MIPOL1: variants seen among roughly 807,000 people sequenced by gnomAD.
MIPOL1 encodes the protein mirror-image polydactyly gene 1 protein.
MIPOL1 carries 57 observed loss-of-function variants against 60.9 expected under a neutral mutation model. The ratio of observed to expected loss-of-function variants is 0.94; its 90% confidence interval spans 0.76 to 1.17. The LOEUF (loss-of-function observed/expected upper bound fraction) is 1.17. Among genes scored for constraint, MIPOL1 ranks in the 50% most tolerant of loss-of-function variants. MIPOL1 has a pLI of 0.00. For missense variants in MIPOL1, 551 were observed against 511.6 expected (o/e 1.08, Z -0.74); for synonymous variants, 179 against 168.8 (o/e 1.06, Z -0.47).
intron 10 of MIPOL1, among the ~76,000 whole-genome samples, chr14:37,394,618 T>C (rs2093336368): frequency 6.6e-6 from 1 of 152,142 alleles, no homozygotes; most frequent in Non-Finnish European, 1.5e-5. Flanking sequence ...TTGTTTGTTT[T>C]TTTTCTTACT....
At chr14:37,412,367 A>G (rs1336437987) in intron 10 of MIPOL1, among the ~76,000 whole-genome samples, 1 of 152,110 alleles carries the variant, frequency 6.6e-6, no homozygotes, top group Non-Finnish European at 1.5e-5. Context: ...GATAGTTGTC[A>G]TAAAAAAAAG....
intron 12 of MIPOL1, among the ~76,000 whole-genome samples, chr14:37,515,031 G>A (rs924370395): frequency 1.3e-5 from 2 of 152,090 alleles, no homozygotes; most frequent in South Asian, 2.1e-4. Flanking sequence ...GGGATTTGCC[G>A]ATGTCCATAT....
intron 10 of MIPOL1, among the ~76,000 whole-genome samples, chr14:37,404,649 G>A (rs2093554438): frequency 6.6e-6 from 1 of 152,158 alleles, no homozygotes; most frequent in African/African-American, 2.4e-5. Flanking sequence ...TTTAATAAAT[G>A]CATTCTCTAT....
At chr14:37,301,124 T>TAC (rs1214240892) in intron 7 of MIPOL1, among the ~76,000 whole-genome samples, 1 of 15,010 alleles carries the variant, frequency 6.7e-5, no homozygotes, top group African/African-American at 8.4e-5. Context: ...TATATATATA[T>TAC]ACACACTAAC....
At chr14:37,286,294 C>G (rs933742075) in intron 7 of MIPOL1, among the ~76,000 whole-genome samples, 1 of 152,068 alleles carries the variant, frequency 6.6e-6, no homozygotes, top group Non-Finnish European at 1.5e-5. Flanking sequence ...GAAACAATGC[C>G]CTAGAAATAT....
intron 9 of MIPOL1, among the ~76,000 whole-genome samples, chr14:37,344,196 CTCTT>C (rs1319683292): frequency 6.6e-6 from 1 of 151,876 alleles, no homozygotes; most frequent in Admixed American, 6.6e-5. Context: ...ATAATTTCAC[CTCTT>C]TCTTTTGAAT....
chr14:37,199,079 C>G (rs1368717430), intron 1 of MIPOL1, among the ~76,000 whole-genome samples: 1 of 152,066 alleles, frequency 6.6e-6, no homozygotes, highest in South Asian at 2.1e-4. Flanking sequence ...TACAATTTTC[C>G]TTCAAAGGAG....
chr14:37,390,298 G>T (rs1346900612), intron 10 of MIPOL1, among the ~76,000 whole-genome samples: 1 of 151,908 alleles, frequency 6.6e-6, no homozygotes, highest in East Asian at 1.9e-4. Context: ...AAAATGATCA[G>T]CCCCACTTTA....
chr14:37,229,590 T>C (rs928289710), intron 1 of MIPOL1, among the ~76,000 whole-genome samples: 1 of 152,174 alleles, frequency 6.6e-6, no homozygotes, highest in Non-Finnish European at 1.5e-5. Context: ...CATGAAGAGA[T>C]ATATACTTAA....
At chr14:37,449,219 A>G (rs2094383124) in intron 11 of MIPOL1, among the ~76,000 whole-genome samples, 1 of 152,178 alleles carries the variant, frequency 6.6e-6, no homozygotes, top group Non-Finnish European at 1.5e-5. Flanking sequence ...CTTCCTGTTA[A>G]TAAGTTCTGC....
At chr14:37,200,848 C>CTGTG (rs1408015940) in intron 1 of MIPOL1, among the ~76,000 whole-genome samples, 12 of 94,856 alleles carry the variant, frequency 1.3e-4, no homozygotes, top group Non-Finnish European at 2.3e-4. Context: ...CTATATCTAT[C>CTGTG]TATGTGTGTG....
intron 12 of MIPOL1, among the ~76,000 whole-genome samples, chr14:37,540,306 C>A (rs2095524526): frequency 6.6e-6 from 1 of 152,162 alleles, no homozygotes; most frequent in South Asian, 2.1e-4. Flanking sequence ...GATACGAAGT[C>A]TTCTTACCTT....
chr14:37,226,818 A>T (rs114059384), intron 1 of MIPOL1, among the ~76,000 whole-genome samples: 6 of 152,118 alleles, frequency 3.9e-5, no homozygotes, highest in Non-Finnish European at 8.8e-5. Context: ...AAAAAGGGAA[A>T]GTGTTTTACC....
At chr14:37,488,455 A>G (rs912747808) in intron 11 of MIPOL1, among the ~76,000 whole-genome samples, 3 of 152,140 alleles carry the variant, frequency 2.0e-5, no homozygotes, top group African/African-American at 4.8e-5. Context: ...GTGGGAGTCT[A>G]AGTCTCTTTG....
chr14:37,267,688 A>C (rs1265881186), intron 4 of MIPOL1, among the ~76,000 whole-genome samples: 1 of 152,200 alleles, frequency 6.6e-6, no homozygotes, highest in Non-Finnish European at 1.5e-5. Context: ...CACAAAGTGC[A>C]TCTGAAGAAA....
At position 37,451,325 on chromosome 14, in the gene MIPOL1, C is replaced by G. The variant is rs181880374; in HGVS notation, c.1031+28376C>G. Among the ~76,000 whole-genome samples the G allele has an allele frequency of 1.6e-3, 246 of 152,244 alleles. 3 individuals carry two copies. Among genetic ancestry groups the G allele is most frequent in the South Asian group, 2.1e-3 (10 of 4,818 alleles). On this transcript the variant is annotated intron_variant, in intron 11 of 12. Transcript: ENST00000684589. ...CATTTGTGGAAGAGAATGAAGGCAGCTATTGAGATGGCCTTATTAATGTCA... is the reference window on the plus strand; with the variant it reads ...CATTTGTGGAAGAGAATGAAGGCAGGTATTGAGATGGCCTTATTAATGTCA...
At chr14:37,376,549 A>AT (rs2092782132) in intron 10 of MIPOL1, among the ~76,000 whole-genome samples, 1 of 152,046 alleles carries the variant, frequency 6.6e-6, no homozygotes, top group Admixed American at 6.6e-5. Flanking sequence ...CTCAAAAAAA[A>AT]ATCAGGATAT....
intron 12 of MIPOL1, among the ~76,000 whole-genome samples, chr14:37,533,766 T>G (rs748580422): frequency 2.0e-5 from 3 of 152,238 alleles, no homozygotes; most frequent in Non-Finnish European, 4.4e-5. Context: ...ACATGCCTGC[T>G]TATTTTTGAC....
At chr14:37,294,161 TGTTCTGCA>T (rs1382521302) in intron 7 of MIPOL1, among the ~76,000 whole-genome samples, 1 of 152,214 alleles carries the variant, frequency 6.6e-6, no homozygotes, top group Admixed American at 6.5e-5. Flanking sequence ...CAATATCTGC[TGTTCTGCA>T]GCCACCACTG....
Sources: allele counts gnomAD v4.1 joint callset (sites outside exome capture counted in the v4.1 genomes callset), GRCh38; gene constraint gnomAD v4.1.1; transcripts MANE v1.5; gene names NCBI Gene and HGNC (gene_info 2026-07-23, HGNC 2026-07-21).